Variants in SNTG1 observed in about 807,000 individuals in gnomAD.
The protein encoded by SNTG1 is gamma-1-syntrophin.
In SNTG1, 39 loss-of-function variants were observed where a neutral mutation model predicts 74.7. The observed-to-expected ratio is 0.52, with a 90% CI of 0.40 to 0.68. The LOEUF is 0.68. Ranked by LOEUF, SNTG1 falls within the 30% of genes least tolerant of loss-of-function variation. The pLI is 0.00. For missense variants in SNTG1, 685 were observed against 609.5 expected (o/e 1.12, Z -1.30); for synonymous variants, 254 against 217.1 (o/e 1.17, Z -1.49).
chr8:50,252,200 T>TA (rs2086674467), intron 2 of SNTG1, among the ~76,000 whole-genome samples: 1 of 151,558 alleles, frequency 6.6e-6, no homozygotes, highest in South Asian at 2.1e-4. Context: ...GTATAGAAAA[T>TA]AACAAAAGCA....
intron 1 of SNTG1, among the ~76,000 whole-genome samples, chr8:49,979,444 G>A (rs1812481221): frequency 6.6e-6 from 1 of 152,190 alleles, no homozygotes; most frequent in African/African-American, 2.4e-5. Context: ...TGCTTTTGAT[G>A]ACAATATTTT....
intron 2 of SNTG1, among the ~76,000 whole-genome samples, chr8:50,259,568 G>C (rs1181475508): frequency 8.0e-6 from 1 of 124,592 alleles, no homozygotes. Flanking sequence ...AAGAAAGAAA[G>C]AAAGAGAAAA....
chr8:50,219,870 A>C (rs1426857780), intron 2 of SNTG1, among the ~76,000 whole-genome samples: 1 of 152,200 alleles, frequency 6.6e-6, no homozygotes, highest in Non-Finnish European at 1.5e-5. Flanking sequence ...AAATGATAGA[A>C]AAGTAGTGAA....
intron 13 of SNTG1, among the ~76,000 whole-genome samples, chr8:50,644,848 C>T (rs1177182082): frequency 1.3e-5 from 2 of 151,602 alleles, no homozygotes; most frequent in Admixed American, 1.3e-4. Flanking sequence ...ATAATTTTAA[C>T]ATTACTCTCT....
chr8:50,206,597 C>A (rs994489734), intron 2 of SNTG1, among the ~76,000 whole-genome samples: 2 of 152,260 alleles, frequency 1.3e-5, no homozygotes, highest in South Asian at 2.1e-4. Flanking sequence ...GAACTTCCAA[C>A]ACTATTTTGA....
intron 4 of SNTG1, among the ~76,000 whole-genome samples, chr8:50,403,472 G>A (rs1295347175): frequency 6.6e-6 from 1 of 152,054 alleles, no homozygotes; most frequent in Non-Finnish European, 1.5e-5. Context: ...CTTCCCTTTG[G>A]TTAATAATAG....
intron 1 of SNTG1, among the ~76,000 whole-genome samples, chr8:49,938,659 TCTTCCTTC>T (rs779265503): frequency 3.7e-5 from 3 of 81,358 alleles, no homozygotes; most frequent in Non-Finnish European, 5.6e-5. Context: ...TCTCTCTCTC[TCTTCCTTC>T]CTTCCTTCCT....
intron 2 of SNTG1, among the ~76,000 whole-genome samples, chr8:50,285,368 G>C (rs1196446706): frequency 6.6e-6 from 1 of 151,964 alleles, no homozygotes; most frequent in Non-Finnish European, 1.5e-5. Flanking sequence ...GTTTTGTTTT[G>C]TGTGCTCTAG....
intron 1 of SNTG1, among the ~76,000 whole-genome samples, chr8:49,941,170 T>C (rs954658367): frequency 6.6e-6 from 1 of 151,550 alleles, no homozygotes; most frequent in South Asian, 2.1e-4. Context: ...CAAAGGGGGG[T>C]TTCCCTTTGA....
chr8:50,004,929 T>G (rs1210046936), intron 1 of SNTG1, among the ~76,000 whole-genome samples: 2 of 152,208 alleles, frequency 1.3e-5, no homozygotes, highest in East Asian at 3.9e-4. Flanking sequence ...ATTATTGCAC[T>G]GCTGAATTAA....
rs189968273 is a variant in SNTG1 at position 50,561,687 on chromosome 8, G to T, written c.810+8508G>T. On this transcript the variant is annotated intron_variant, in intron 12 of 18. Transcript: ENST00000642720. ...GAACTAGAGACACAAAATGGTTAAGGCCTGGCTATGAGGAAACTGAAAGTA... is the reference window on the plus strand; with the variant it reads ...GAACTAGAGACACAAAATGGTTAAGTCCTGGCTATGAGGAAACTGAAAGTA... Among the ~76,000 whole-genome samples the T allele has an allele frequency of 1.5e-3, 222 of 152,272 alleles. 2 individuals are homozygous for T. The highest frequency in any genetic ancestry group is 0.01 in the Middle Eastern group (3 of 294).
rs1363715510 is a variant in SNTG1 at position 50,508,629 on chromosome 8, G to C, written c.466+5749G>C. Among the ~76,000 whole-genome samples the C allele has an allele frequency of 3.3e-5, 5 of 152,122 alleles. No homozygotes were observed. The East Asian group carries it at 7.7e-4, about 23-fold the overall frequency. Reference sequence around the variant, plus strand: ...TCGCCATTCTAACTGGTGTGAGATGGTATCTCATTGTGGTTTTGATTTGCA... The same window carrying C: ...TCGCCATTCTAACTGGTGTGAGATGCTATCTCATTGTGGTTTTGATTTGCA... On this transcript the variant is annotated intron_variant, in intron 9 of 18. Transcript: ENST00000642720.
At chr8:50,138,813 G>T (rs2081565270) in intron 1 of SNTG1, among the ~76,000 whole-genome samples, 1 of 151,912 alleles carries the variant, frequency 6.6e-6, no homozygotes, top group South Asian at 2.1e-4. Flanking sequence ...GTAAGATATT[G>T]AAATTCATAA....
intron 1 of SNTG1, among the ~76,000 whole-genome samples, chr8:50,146,294 G>T (rs983386049): frequency 6.6e-6 from 1 of 152,004 alleles, no homozygotes; most frequent in Non-Finnish European, 1.5e-5. Context: ...GAGGCGGGTG[G>T]ATCACCTGAG....
chr8:50,034,170 G>T (rs1817961863), intron 1 of SNTG1, among the ~76,000 whole-genome samples: 2 of 152,066 alleles, frequency 1.3e-5, no homozygotes, highest in South Asian at 4.1e-4. Context: ...AAAAATGAGG[G>T]TGCTCTTCCT....
At chr8:50,532,302 A>AT (rs1340279533) in intron 10 of SNTG1, among the ~76,000 whole-genome samples, 1 of 152,220 alleles carries the variant, frequency 6.6e-6, no homozygotes, top group Non-Finnish European at 1.5e-5. Context: ...AATTAAATGC[A>AT]TTTTTGTTGA....
At chr8:50,658,738 A>C (rs2095199638) in intron 15 of SNTG1, 75 bp downstream of exon 15, 82 of 888,892 alleles carry the variant, frequency 9.2e-5, no homozygotes, top group Non-Finnish European at 1.4e-4. Flanking sequence ...TAAGCAGCTC[A>C]TGAAAACAAA....
intron 2 of SNTG1, among the ~76,000 whole-genome samples, chr8:50,354,724 C>A (rs1347290990): frequency 6.6e-6 from 1 of 152,126 alleles, no homozygotes; most frequent in African/African-American, 2.4e-5. Context: ...CAGGATCTCA[C>A]ACGGCTGCAG....
chr8:50,066,226 A>C (rs1282899845), intron 1 of SNTG1, among the ~76,000 whole-genome samples: 1 of 152,044 alleles, frequency 6.6e-6, no homozygotes, highest in Non-Finnish European at 1.5e-5. Flanking sequence ...CAAAAAAAAA[A>C]AATTAAGTAA....
Sources: gnomAD v4.1 joint callset for allele counts (sites outside exome capture counted in the v4.1 genomes callset) on GRCh38, gnomAD v4.1.1 for gene constraint, MANE v1.5 for transcripts, NCBI Gene and HGNC (gene_info 2026-07-23, HGNC 2026-07-21) for gene names.